Variants in DLG2 observed in about 807,000 individuals in gnomAD.
DLG2 encodes the protein discs large MAGUK scaffold protein 2, also known as disks large homolog 2.
In DLG2, 45 loss-of-function variants were observed where a neutral mutation model predicts 132.5. That is an observed-to-expected ratio of 0.34 (90% CI 0.27 to 0.44). The LOEUF is 0.44. Among genes scored for constraint, DLG2 ranks in the 20% least tolerant of loss-of-function variants. The probability of loss-of-function intolerance (pLI) is 1.00; values close to 1 mark genes in which losing one functional copy is unlikely to be tolerated. For synonymous variants in DLG2, 424 were observed against 419.6 expected (o/e 1.01, Z -0.13); for missense variants, 1,045 against 1,196.9 (o/e 0.87, Z 1.87).
At chr11:84,663,926 GTGCCCAGGCAGGCAAGCCA>G (rs1409922392) in intron 6 of DLG2, among the ~76,000 whole-genome samples, 1 of 152,016 alleles carries the variant, frequency 6.6e-6, no homozygotes, top group Non-Finnish European at 1.5e-5. Context: ...TCCAGATCTG[GTGCCCAGGCAGGCAAGCCA>G]TGACTAAAGG....
intron 6 of DLG2, among the ~76,000 whole-genome samples, chr11:84,969,252 G>A (rs1189998717): frequency 6.6e-6 from 1 of 152,136 alleles, no homozygotes; most frequent in African/African-American, 2.4e-5. Flanking sequence ...CTCAGCCTCT[G>A]ATGCAGTATC....
intron 11 of DLG2, among the ~76,000 whole-genome samples, chr11:84,039,314 A>G (rs1416027560): frequency 1.3e-5 from 2 of 149,304 alleles, no homozygotes; most frequent in Non-Finnish European, 3.0e-5. Flanking sequence ...GGTGCGCTGC[A>G]CCCACTAACT....
intron 3 of DLG2, among the ~76,000 whole-genome samples, chr11:85,497,053 G>C (rs1181198530): frequency 6.6e-6 from 1 of 151,806 alleles, no homozygotes; most frequent in Non-Finnish European, 1.5e-5. Flanking sequence ...CGCCAGCAAG[G>C]GAACAAAATG....
At chr11:84,016,170 C>T (rs1389393580) in intron 11 of DLG2, among the ~76,000 whole-genome samples, 1 of 151,956 alleles carries the variant, frequency 6.6e-6, no homozygotes, top group Non-Finnish European at 1.5e-5. Flanking sequence ...GTTGGCCACA[C>T]CTCTGTCTTC....
chr11:83,590,902 A>G (rs1261593835), intron 19 of DLG2, among the ~76,000 whole-genome samples: 3 of 151,210 alleles, frequency 2.0e-5, no homozygotes, highest in African/African-American at 7.2e-5. Context: ...AGAAATGGAT[A>G]AATTCCTCGA....
chr11:83,633,847 T>C (rs1024415624), intron 18 of DLG2, among the ~76,000 whole-genome samples: 1 of 151,808 alleles, frequency 6.6e-6, no homozygotes, highest in Non-Finnish European at 1.5e-5. Flanking sequence ...TGTGATAATA[T>C]GCAATAGTTT....
intron 6 of DLG2, among the ~76,000 whole-genome samples, chr11:84,636,147 C>A (rs540517376): frequency 1.3e-5 from 2 of 152,214 alleles, no homozygotes; most frequent in South Asian, 4.2e-4. Flanking sequence ...CTTTTGCTTA[C>A]AGAATATGAG....
intron 9 of DLG2, among the ~76,000 whole-genome samples, chr11:84,128,401 A>G (rs1009373937): frequency 1.3e-5 from 2 of 152,154 alleles, no homozygotes; most frequent in African/African-American, 4.8e-5. Context: ...AGGTATTTTT[A>G]TATTATTGAT....
intron 9 of DLG2, among the ~76,000 whole-genome samples, chr11:84,106,966 G>C (rs55778260): frequency 0.78 from 104,997 of 135,068 alleles, 41,267 homozygotes; most frequent in Middle Eastern, 0.88. Context: ...GAGAGAGAGA[G>C]TTTTAGCCTT....
intron 3 of DLG2, chr11:85,510,153 A>C (rs534634856): frequency 1.5e-4 from 23 of 152,134 alleles, no homozygotes; most frequent in African/African-American, 4.8e-4. Context: ...AGAAGAGTAA[A>C]ACAAAGAAAG....
At chr11:83,468,578 C>T (rs1484246110) in intron 25 of DLG2, among the ~76,000 whole-genome samples, 1 of 152,156 alleles carries the variant, frequency 6.6e-6, no homozygotes, top group African/African-American at 2.4e-5. Context: ...ATCAACCCAA[C>T]AAATATCTTC....
intron 3 of DLG2, among the ~76,000 whole-genome samples, chr11:85,324,843 C>T (rs1465743322): frequency 6.6e-6 from 1 of 151,390 alleles, no homozygotes; most frequent in Non-Finnish European, 1.5e-5. Flanking sequence ...GTGATTTCTG[C>T]ATTTCCATCT....
At chr11:84,905,980 CTTGT>C (rs1392624393) in intron 6 of DLG2, among the ~76,000 whole-genome samples, 2 of 152,050 alleles carry the variant, frequency 1.3e-5, no homozygotes, top group Admixed American at 1.3e-4. Flanking sequence ...TTAAAAATGC[CTTGT>C]ATAAACCTCA....
chr11:85,513,069 T>A (rs1389599893), intron 3 of DLG2, among the ~76,000 whole-genome samples: 1 of 152,100 alleles, frequency 6.6e-6, no homozygotes, highest in Admixed American at 6.6e-5. Flanking sequence ...GAGGCCATTA[T>A]TCTAAGTGAA....
At chr11:83,692,610 T>A (rs2081179500) in intron 18 of DLG2, among the ~76,000 whole-genome samples, 1 of 152,212 alleles carries the variant, frequency 6.6e-6, no homozygotes, top group African/African-American at 2.4e-5. Flanking sequence ...CTGAATTGTA[T>A]ATTTTAAACA....
intron 7 of DLG2, among the ~76,000 whole-genome samples, chr11:84,506,435 T>C (rs11234054): frequency 0.1 from 15,393 of 152,100 alleles, 849 homozygotes; most frequent in South Asian, 0.19. Context: ...CGGAGAGAAA[T>C]TTAAGGATGC....
In DLG2 at chr11:84,079,875, C is replaced by G. The variant is rs138943269; in HGVS notation, c.749+19048G>C. 4.0e-3 allele frequency among the ~76,000 whole-genome samples: 605 copies of G among 152,342 alleles called. 4 individuals carry two copies. The highest frequency in any genetic ancestry group is 0.014 in the African/African-American group (572 of 41,586). On this transcript the variant is annotated intron_variant, in intron 10 of 27. Coordinates refer to ENST00000376104, the MANE Select transcript of DLG2 (RefSeq NM_001142699.3). The stretch of plus-strand genomic sequence containing the variant: ...ATTCCTCCTCAGGCCTTTGGGCATG[C>G]ATTCTCTGCCTGAAGACTCCTCCAG...
intron 15 of DLG2, among the ~76,000 whole-genome samples, chr11:83,906,815 C>G (rs886484370): frequency 7.9e-5 from 12 of 152,128 alleles, no homozygotes; most frequent in Non-Finnish European, 1.8e-4. Flanking sequence ...AAAATATCCC[C>G]TGTCAGTATG....
chr11:85,455,974 T>A (rs181762697), intron 3 of DLG2, among the ~76,000 whole-genome samples: 47 of 151,974 alleles, frequency 3.1e-4, no homozygotes, highest in Admixed American at 8.5e-4. Context: ...TTCAGCTTTT[T>A]ATTGTGTCTC....
Sources: gnomAD v4.1 joint callset for allele counts (sites outside exome capture counted in the v4.1 genomes callset) on GRCh38, gnomAD v4.1.1 for gene constraint, MANE v1.5 for transcripts, NCBI Gene and HGNC (gene_info 2026-07-23, HGNC 2026-07-21) for gene names.